CDK17: variants seen among roughly 807,000 people sequenced by gnomAD.
CDK17 encodes the protein cyclin dependent kinase 17.
CDK17 carries 24 observed loss-of-function variants against 77.6 expected under a neutral mutation model. The ratio of observed to expected loss-of-function variants is 0.31; its 90% CI spans 0.22 to 0.44. CDK17 has a LOEUF of 0.44. CDK17 is among the 20% of genes least tolerant of loss of function. The probability of loss-of-function intolerance (pLI) is 1.00; values close to 1 mark genes in which losing one functional copy is unlikely to be tolerated. For synonymous variants in CDK17, 203 were observed against 210.4 expected (o/e 0.96, Z 0.30); for missense variants, 429 against 622.5 (o/e 0.69, Z 3.31).
At chr12:96,331,214 G>A (rs1342936322) in intron 2 of CDK17, among the ~76,000 whole-genome samples, 3 of 152,214 alleles carry the variant, frequency 2.0e-5, no homozygotes, top group Non-Finnish European at 2.9e-5. Context: ...AAAGTGCTGG[G>A]ATTACAGGCA....
chr12:96,327,189 TGGG>T (rs1219692933), intron 2 of CDK17, among the ~76,000 whole-genome samples: 1 of 152,042 alleles, frequency 6.6e-6, no homozygotes, highest in Non-Finnish European at 1.5e-5. Context: ...GAACCAATGG[TGGG>T]GGGATTGGGA....
At chr12:96,349,358 C>T (rs754733721) in intron 1 of CDK17, among the ~76,000 whole-genome samples, 6 of 151,790 alleles carry the variant, frequency 4.0e-5, no homozygotes, top group South Asian at 2.1e-4. Flanking sequence ...GAGGTTGAGG[C>T]GGGAGAATCG....
At chr12:96,394,175 G>A (rs2137250755) in intron 1 of CDK17, among the ~76,000 whole-genome samples, 1 of 152,110 alleles carries the variant, frequency 6.6e-6, no homozygotes, top group African/African-American at 2.4e-5. Context: ...GAACCCGGGA[G>A]GCGGAGGTTG....
intron 1 of CDK17, among the ~76,000 whole-genome samples, chr12:96,370,380 A>T (rs1953671825): frequency 6.6e-6 from 1 of 152,218 alleles, no homozygotes; most frequent in Admixed American, 6.5e-5. Context: ...ATCAAAGCCT[A>T]TGGCTCCAAC....
At chr12:96,283,389 C>A (rs1952201882) in intron 14 of CDK17, among the ~76,000 whole-genome samples, 1 of 151,198 alleles carries the variant, frequency 6.6e-6, no homozygotes, top group Non-Finnish European at 1.5e-5. Flanking sequence ...ATGCCAGTAA[C>A]CAACTACCTC....
chr12:96,379,895 G>A (rs991996347), intron 1 of CDK17, among the ~76,000 whole-genome samples: 3 of 152,034 alleles, frequency 2.0e-5, no homozygotes, highest in Admixed American at 6.6e-5. Context: ...CTCCCTGGGC[G>A]CTGTAGCTAA....
At chr12:96,375,468 T>C (rs920115415) in intron 1 of CDK17, among the ~76,000 whole-genome samples, 2 of 150,542 alleles carry the variant, frequency 1.3e-5, no homozygotes, top group East Asian at 2.0e-4. Flanking sequence ...GTGGACAACA[T>C]CTACACACAG....
intron 3 of CDK17, among the ~76,000 whole-genome samples, chr12:96,323,605 T>C (rs1952854407): frequency 7.5e-6 from 1 of 132,676 alleles, no homozygotes; most frequent in African/African-American, 3.1e-5. Flanking sequence ...CCACATATAC[T>C]ATTCATTATA....
intron 1 of CDK17, among the ~76,000 whole-genome samples, chr12:96,346,977 A>T (rs1279603310): frequency 2.6e-5 from 4 of 152,166 alleles, no homozygotes; most frequent in African/African-American, 9.7e-5. Flanking sequence ...AAGTGAAAGG[A>T]TAGGAAAAAA....
At chr12:96,316,114 C>T (rs1320967039) in intron 3 of CDK17, among the ~76,000 whole-genome samples, 5 of 152,118 alleles carry the variant, frequency 3.3e-5, no homozygotes, top group African/African-American at 9.7e-5. Context: ...GTGCACTAGC[C>T]GAAGCAGGGC....
intron 2 of CDK17, among the ~76,000 whole-genome samples, chr12:96,331,091 C>T (rs1267784823): frequency 6.6e-6 from 1 of 152,126 alleles, no homozygotes; most frequent in Non-Finnish European, 1.5e-5. Flanking sequence ...TACAGGCGTG[C>T]GCCACCACAT....
intron 1 of CDK17, among the ~76,000 whole-genome samples, chr12:96,386,057 T>A (rs555941668): frequency 6.6e-6 from 1 of 152,374 alleles, no homozygotes; most frequent in South Asian, 2.1e-4. Context: ...TCTAACTCTG[T>A]CACGCTGGCT....
chr12:96,353,611 G>GGA (rs1565832800), intron 1 of CDK17, among the ~76,000 whole-genome samples: 1 of 150,728 alleles, frequency 6.6e-6, no homozygotes, highest in Non-Finnish European at 1.5e-5. Context: ...GTGGCGGGGG[G>GGA]GGGCGCGGGT....
intron 1 of CDK17, among the ~76,000 whole-genome samples, chr12:96,379,846 A>G (rs1448333552): frequency 6.6e-6 from 1 of 152,172 alleles, no homozygotes; most frequent in Non-Finnish European, 1.5e-5. Context: ...TAAATTAAAC[A>G]CACATTTCCA....
intron 10 of CDK17, among the ~76,000 whole-genome samples, chr12:96,292,751 T>A (rs193050979): frequency 5.3e-5 from 8 of 152,270 alleles, no homozygotes; most frequent in African/African-American, 1.7e-4. Flanking sequence ...TCAAAGCTGC[T>A]CTACAAAGTT....
At chr12:96,328,438 C>T (rs1043570584) in intron 2 of CDK17, among the ~76,000 whole-genome samples, 6 of 152,070 alleles carry the variant, frequency 3.9e-5, no homozygotes, top group African/African-American at 1.2e-4. Context: ...AAAACTGGTC[C>T]CTGATGCCAG....
At chr12:96,346,797 C>G (rs923330600) in intron 1 of CDK17, among the ~76,000 whole-genome samples, 1 of 151,864 alleles carries the variant, frequency 6.6e-6, no homozygotes, top group Non-Finnish European at 1.5e-5. Flanking sequence ...TGCCTGTAGT[C>G]CCAGCTACTC....
At chr12:96,296,830 T>C (rs554917521) in intron 9 of CDK17, among the ~76,000 whole-genome samples, 36 of 152,340 alleles carry the variant, frequency 2.4e-4, no homozygotes, top group African/African-American at 4.8e-5. Flanking sequence ...ATTTCCAGCA[T>C]AGTGTTCATA....
At chr12:96,354,403 A>G (rs1356682377) in intron 1 of CDK17, among the ~76,000 whole-genome samples, 2 of 152,230 alleles carry the variant, frequency 1.3e-5, no homozygotes, top group Admixed American at 6.5e-5. Flanking sequence ...CTCCTCTTGC[A>G]GTCTTCACCA....
Sources: allele counts gnomAD v4.1 joint callset (sites outside exome capture counted in the v4.1 genomes callset), GRCh38; gene constraint gnomAD v4.1.1; transcripts MANE v1.5; gene names NCBI Gene and HGNC (gene_info 2026-07-23, HGNC 2026-07-21).